The following CNGB3 variants were observed in gnomAD, a reference collection of about 807,000 sequenced individuals.
The protein encoded by CNGB3 is cyclic nucleotide-gated channel beta-3.
Under a neutral mutation model 92.8 loss-of-function variants are expected in CNGB3, and 86 were observed. The ratio of observed to expected loss-of-function variants is 0.93; its 90% CI spans 0.78 to 1.11. The LOEUF is 1.11. Among genes scored for constraint, CNGB3 ranks in the 50% least tolerant of loss-of-function variants. CNGB3 has a pLI of 0.00. For synonymous variants in CNGB3, 333 were observed against 332.7 expected (o/e 1.00, Z -0.01); for missense variants, 1,026 against 956.8 (o/e 1.07, Z -0.95).
At chr8:86,609,961 A>C (rs1822486721) in intron 14 of CNGB3, among the ~76,000 whole-genome samples, 1 of 151,784 alleles carries the variant, frequency 6.6e-6, no homozygotes, top group Non-Finnish European at 1.5e-5. Context: ...GCCACTACAT[A>C]CTCTTCTGGC....
chr8:86,666,106 T>G (rs1029919858), intron 6 of CNGB3, among the ~76,000 whole-genome samples: 1 of 152,184 alleles, frequency 6.6e-6, no homozygotes, highest in Non-Finnish European at 1.5e-5. Context: ...CCTAAGAAGG[T>G]TGAGTAGGTT....
rs773217705 is a variant in CNGB3 at position 86,666,970 on chromosome 8, T to C, written c.807A>G (p.Leu269=). ...ICDIIYLYDM[L]FIQPRLQFVR... ...CAAACTGGAGTCTGGGCTGGATAAATAGCATATCATAAAGGTAGATGATAT... is the reference window on the plus strand; with the variant it reads ...CAAACTGGAGTCTGGGCTGGATAAACAGCATATCATAAAGGTAGATGATAT... Residue 269 remains leucine, a synonymous_variant, in exon 6 of 18, where the codon CTA becomes CTG. Transcript: ENST00000320005. 2.5e-6 allele frequency: 4 copies of C among 1,613,326 alleles called. No individual in the cohort carries two copies. The Admixed American group carries it at 5.0e-5, about 20-fold the overall frequency.
At chr8:86,611,914 T>C (rs1457963906) in intron 13 of CNGB3, among the ~76,000 whole-genome samples, 2 of 152,146 alleles carry the variant, frequency 1.3e-5, no homozygotes, top group Non-Finnish European at 2.9e-5. Flanking sequence ...TACTACATAT[T>C]GCTACGTAAC....
chr8:86,700,256 CTCTA>C (rs2131646238), intron 3 of CNGB3, among the ~76,000 whole-genome samples: 1 of 152,202 alleles, frequency 6.6e-6, no homozygotes, highest in Non-Finnish European at 1.5e-5. Flanking sequence ...ATAAACTCAG[CTCTA>C]TCTGAGGCAT....
chr8:86,681,790 T>C (rs1824086962), intron 3 of CNGB3, among the ~76,000 whole-genome samples: 1 of 152,180 alleles, frequency 6.6e-6, no homozygotes, highest in South Asian at 2.1e-4. Flanking sequence ...CACTGAACAC[T>C]AGAAGCTAAT....
intron 2 of CNGB3, among the ~76,000 whole-genome samples, chr8:86,739,390 C>G (rs1381379007): frequency 6.6e-6 from 1 of 152,182 alleles, no homozygotes; most frequent in Non-Finnish European, 1.5e-5. Flanking sequence ...TCAGACTCTG[C>G]CCATGTTGCT....
intron 2 of CNGB3, among the ~76,000 whole-genome samples, chr8:86,734,967 T>C (rs1202957697): frequency 2.7e-5 from 4 of 150,476 alleles, no homozygotes; most frequent in African/African-American, 4.9e-5. Flanking sequence ...AGATGTTAAA[T>C]GCCTCAACTA....
chr8:86,648,047 C>A (rs187520654), intron 7 of CNGB3, among the ~76,000 whole-genome samples, 160 bp from the exon 8 acceptor site: 1 of 151,058 alleles, frequency 6.6e-6, no homozygotes, highest in Non-Finnish European at 1.5e-5. Flanking sequence ...CTTTTTAAGG[C>A]GTATTAGCAC....
At chr8:86,674,245 C>T (rs1823921149) in intron 3 of CNGB3, among the ~76,000 whole-genome samples, 1 of 152,106 alleles carries the variant, frequency 6.6e-6, no homozygotes, top group African/African-American at 2.4e-5. Flanking sequence ...ATCTATAAGC[C>T]CTAATTGACC....
intron 5 of CNGB3, 147 bp from the exon 6 acceptor site, chr8:86,667,280 C>T (rs1217925684): frequency 1.4e-6 from 1 of 717,698 alleles, no homozygotes. Context: ...ACCATTCTGC[C>T]TCTGGACTGT....
intron 6 of CNGB3, chr8:86,659,041 G>T: frequency 1.0e-6 from 1 of 967,698 alleles, no homozygotes; most frequent in Non-Finnish European, 1.6e-6. Context: ...ACTTATAGCT[G>T]CTGCTCCACC....
chr8:86,732,391 C>T (rs933426331), intron 2 of CNGB3, among the ~76,000 whole-genome samples: 2 of 152,094 alleles, frequency 1.3e-5, no homozygotes, highest in African/African-American at 4.8e-5. Context: ...TTATCTAAGT[C>T]AGTCAGACTA....
chr8:86,587,719 C>T (rs1821929351), intron 15 of CNGB3, among the ~76,000 whole-genome samples: 1 of 149,426 alleles, frequency 6.7e-6, no homozygotes, highest in Non-Finnish European at 1.5e-5. Context: ...GTACCAGTAC[C>T]ATGCTGTTTT....
intron 3 of CNGB3, among the ~76,000 whole-genome samples, chr8:86,695,653 T>C (rs1331501983): frequency 7.2e-5 from 11 of 152,204 alleles, no homozygotes; most frequent in Admixed American, 6.5e-4. Context: ...TCTGAATTCT[T>C]CATCTGTCAG....
intron 3 of CNGB3, among the ~76,000 whole-genome samples, chr8:86,723,500 A>G (rs757656817): frequency 3.9e-5 from 6 of 152,140 alleles, no homozygotes; most frequent in Non-Finnish European, 8.8e-5. Context: ...TAATTTCAAT[A>G]ATTATTTTAT....
intron 3 of CNGB3, among the ~76,000 whole-genome samples, chr8:86,711,705 G>A (rs1421210948): frequency 6.6e-6 from 1 of 151,954 alleles, no homozygotes; most frequent in Non-Finnish European, 1.5e-5. Flanking sequence ...AAGCACTCTT[G>A]CTGTTTCTGA....
intron 3 of CNGB3, among the ~76,000 whole-genome samples, chr8:86,679,000 A>G (rs540372343): frequency 7.9e-5 from 12 of 152,260 alleles, no homozygotes; most frequent in Admixed American, 3.9e-4. Context: ...AAAATTAACA[A>G]GTAGGGTGAC....
intron 6 of CNGB3, chr8:86,658,239 TG>T: frequency 1.8e-6 from 1 of 556,638 alleles, no homozygotes; most frequent in Non-Finnish European, 3.3e-6. Context: ...TGGCCATGCC[TG>T]CTCCTCCTCG....
At chr8:86,659,061 C>A in intron 6 of CNGB3, 1 of 885,830 alleles carries the variant, frequency 1.1e-6, no homozygotes, top group South Asian at 1.5e-5. Flanking sequence ...CTCAGAGGGC[C>A]CTGCTGGGGG....
Sources: gnomAD v4.1 joint callset for allele counts (sites outside exome capture counted in the v4.1 genomes callset) on GRCh38, gnomAD v4.1.1 for gene constraint, MANE v1.5 for transcripts, NCBI Gene and HGNC (gene_info 2026-07-23, HGNC 2026-07-21) for gene names.